The following ITPKB variants were observed in gnomAD, a reference collection of about 807,000 sequenced individuals.
ITPKB encodes inositol-trisphosphate 3-kinase B.
A neutral mutation model predicts 69.4 loss-of-function variants in ITPKB; 13 were observed. That is an observed-to-expected ratio of 0.19 (90% confidence interval 0.12 to 0.30). The LOEUF (loss-of-function observed/expected upper bound fraction) is 0.30, where lower values mean the gene tolerates loss of function less well. Ranked by LOEUF, ITPKB falls within the 10% of genes least tolerant of loss-of-function variation. ITPKB has a pLI of 1.00. For synonymous variants in ITPKB, 584 were observed against 513.7 expected (o/e 1.14, Z -1.85); for missense variants, 1,240 against 1,250.5 (o/e 0.99, Z 0.13).
chr1:226,662,972 A>T (rs1158450779), intron 2 of ITPKB, among the ~76,000 whole-genome samples: 2 of 152,156 alleles, frequency 1.3e-5, no homozygotes, highest in South Asian at 2.1e-4. Context: ...TGTTCAGGGT[A>T]GAGACCCTGT....
chr1:226,656,071 G>T (rs1669281976), intron 2 of ITPKB, among the ~76,000 whole-genome samples: 1 of 152,196 alleles, frequency 6.6e-6, no homozygotes, highest in African/African-American at 2.4e-5. Flanking sequence ...GACTGAGGAT[G>T]CTCAGGACTT....
chr1:226,688,797 A>G (rs1656277697), intron 2 of ITPKB, among the ~76,000 whole-genome samples: 2 of 152,196 alleles, frequency 1.3e-5, no homozygotes, highest in African/African-American at 4.8e-5. Context: ...TATGACTCTC[A>G]CTGATAAAGT....
chr1:226,637,681 C>T lies in ITPKB; in HGVS notation c.2623G>A (p.Glu875Lys). The T allele has an allele frequency of 1.2e-6, 2 of 1,612,048 alleles. No homozygotes were observed. The highest frequency in any genetic ancestry group is 1.7e-6 in the Non-Finnish European group (2 of 1,178,114). Residue 875 changes from glutamate (E) to lysine (K), a missense_variant and splice_region_variant, in exon 7 of 8, where the codon GAG becomes AAG. By Grantham distance (56) the Glu-to-Lys change is moderately conservative (BLOSUM62 1). Around this residue, in one of 2 missense-constraint regions of ITPKB, gnomAD observed 248 missense variants for 396.7 expected, o/e 0.63. Coordinates refer to ENST00000429204, the MANE Select transcript of ITPKB (RefSeq NM_002221.4). This position sits in a 1 kb window ranked among gnomAD's most constrained non-coding sequence, Gnocchi z 4.3. ...LEVSPFFKCHEVIGSSLLFIH... is the reference protein window; with the variant it reads ...LEVSPFFKCHKVIGSSLLFIH... ...GAGGGCAAAAGCCCAGTATCTACCT[C>T]GTGGCACTTGAAGAAGGGAGAAACT...
chr1:226,701,560 C>T (rs1656638454), intron 2 of ITPKB, among the ~76,000 whole-genome samples: 1 of 133,982 alleles, frequency 7.5e-6, no homozygotes, highest in African/African-American at 2.8e-5. Flanking sequence ...GCCGGGATAG[C>T]GCCACTGCAG....
rs1307079489 is a variant in ITPKB at position 226,637,819 on chromosome 1, G to A, written c.2554-69C>T. The A allele has an allele frequency of 3.5e-6, 4 of 1,137,336 alleles. No homozygotes were observed. In the East Asian group the frequency reaches 7.3e-5, roughly 21 times the overall value. The allele number at this position is 1,137,336 out of a possible 1,614,324, so 70.5% of individuals were successfully genotyped here. A position where few individuals can be genotyped will look rare whatever the true frequency, so the allele number is the denominator to read the frequency against. On this transcript the variant is annotated intron_variant, in intron 6 of 7. Coordinates refer to ENST00000429204, the MANE Select transcript of ITPKB (RefSeq NM_002221.4). The surrounding 1 kb of genome is among the most constrained non-coding windows in gnomAD (Gnocchi z 4.3). ...AAGGGCAGTGTCAGAACACCCATGCGGCCTCTAGTGGTCCCTCCCGTGAAT... is the reference window on the plus strand; with the variant it reads ...AAGGGCAGTGTCAGAACACCCATGCAGCCTCTAGTGGTCCCTCCCGTGAAT...
intron 2 of ITPKB, among the ~76,000 whole-genome samples, chr1:226,651,347 G>A (rs1430078910): frequency 6.6e-6 from 1 of 152,208 alleles, no homozygotes; most frequent in Non-Finnish European, 1.5e-5. Context: ...CTCAATGACT[G>A]ACCTTGAACA....
intron 2 of ITPKB, among the ~76,000 whole-genome samples, chr1:226,724,959 C>T (rs952789979): frequency 6.6e-6 from 1 of 152,182 alleles, no homozygotes; most frequent in African/African-American, 2.4e-5. Flanking sequence ...CTTTGATCTA[C>T]CACTTCTAAC....
chr1:226,733,774 G>A (rs527754478), intron 2 of ITPKB, among the ~76,000 whole-genome samples: 1 of 152,218 alleles, frequency 6.6e-6, no homozygotes, highest in East Asian at 1.9e-4. Flanking sequence ...TAACCCTCTG[G>A]TTTCTCAAAT....
rs141636221 is a variant in ITPKB, at chr1:226,735,684, T to C, written c.1775A>G (p.Asn592Ser). Residue 592 changes from asparagine to serine, a missense_variant, in exon 2 of 8, where the codon AAC becomes AGC. Transcript: ENST00000429204. Reference sequence around the variant, plus strand: ...AGAGGACAGTTTCCTCAGGGGCAGGTTGCCCCGAGGGCTTCCCTGCGTCTC... The same window carrying C: ...AGAGGACAGTTTCCTCAGGGGCAGGCTGCCCCGAGGGCTTCCCTGCGTCTC... ...LEETQGSPRG[N>S]LPLRKLSSSS... 164 of 1,605,664 alleles carry C rather than the reference T, an allele frequency of 1.0e-4. No individual in the cohort carries two copies. The highest frequency in any genetic ancestry group is 1.3e-4 in the Non-Finnish European group (154 of 1,175,556).
At chr1:226,713,794 A>G (rs774117286) in intron 2 of ITPKB, among the ~76,000 whole-genome samples, 1 of 152,136 alleles carries the variant, frequency 6.6e-6, no homozygotes. Flanking sequence ...GGGTGTTCAG[A>G]TAACAATCAG....
In ITPKB at chr1:226,642,635, G is replaced by T. The variant is rs939719343; in HGVS notation, c.2247-510C>A. Among the ~76,000 whole-genome samples the T allele has an allele frequency of 1.3e-5, 2 of 152,086 alleles. No individual in the cohort carries two copies. The highest frequency in any genetic ancestry group is 2.9e-5 in the Non-Finnish European group (2 of 68,012). On this transcript the variant is annotated intron_variant, in intron 4 of 7. Coordinates refer to ENST00000429204, the MANE Select transcript of ITPKB (RefSeq NM_002221.4). This position sits in a 1 kb window ranked among gnomAD's most constrained non-coding sequence, Gnocchi z 6.4. The stretch of plus-strand genomic sequence containing the variant: ...GGAAGACGGAGGCAGGGCAGCAGGG[G>T]GTGTCGGGGGTGGCTGGTCCTGATC...
At chr1:226,690,374 G>C (rs962148507) in intron 2 of ITPKB, among the ~76,000 whole-genome samples, 1 of 152,162 alleles carries the variant, frequency 6.6e-6, no homozygotes, top group Admixed American at 6.5e-5. Context: ...GCTCAGAAAA[G>C]TTAAAGTGAC....
intron 2 of ITPKB, among the ~76,000 whole-genome samples, chr1:226,716,596 T>C (rs1177560031): frequency 6.6e-6 from 1 of 152,226 alleles, no homozygotes; most frequent in Non-Finnish European, 1.5e-5. Flanking sequence ...TCAGTGTGTG[T>C]TGTACTCAAA....
At position 226,737,054 on chromosome 1, in the gene ITPKB, C is replaced by G; in HGVS notation, c.405G>C (p.Gln135His). 2 of 1,611,956 alleles carry G rather than the reference C, an allele frequency of 1.2e-6. No individual in the cohort carries two copies. The highest frequency in any genetic ancestry group is 1.7e-6 in the Non-Finnish European group (2 of 1,179,930). Reference sequence around the variant, plus strand: ...TCACCTGCACGTTCTGCAACTCGCGCTGCAAGATCCGCAGCTTCCTCTTGG... The same window carrying G: ...TCACCTGCACGTTCTGCAACTCGCGGTGCAAGATCCGCAGCTTCCTCTTGG... ...EEAKRKLRIL[Q>H]RELQNVQVNQ... is the part of the protein sequence containing the mutation. The change falls in exon 2 of 8, where the codon CAG (glutamine) becomes CAC (histidine). Residue 135 changes from glutamine to histidine, a missense_variant. Gln to His is a conservative substitution (Grantham distance 24). Around this residue, in one of 2 missense-constraint regions of ITPKB, gnomAD observed 992 missense variants for 853.8 expected, o/e 1.16. Transcript: ENST00000429204.
chr1:226,715,114 G>A (rs1046381943), intron 2 of ITPKB, among the ~76,000 whole-genome samples: 9 of 152,190 alleles, frequency 5.9e-5, no homozygotes, highest in African/African-American at 1.9e-4. Flanking sequence ...CTCCTTCAAT[G>A]ACTACCACAT....
In ITPKB at chr1:226,666,946, G is replaced by T. The variant is rs200998378; in HGVS notation, c.1933-18175C>A. 3.9e-5 allele frequency among the ~76,000 whole-genome samples: 6 copies of T among 152,166 alleles called. No individual in the cohort carries two copies. The East Asian group carries it at 1.2e-3, about 29-fold the overall frequency. ...CCCTGGGCTGTTGCAAAACTGATCT[G>T]GTTGTGTTTGCCAACACACACCACA... On this transcript the variant is annotated intron_variant, in intron 2 of 7. Coordinates refer to ENST00000429204, the MANE Select transcript of ITPKB (RefSeq NM_002221.4).
chr1:226,646,183 G>C (rs1669057981), intron 4 of ITPKB, among the ~76,000 whole-genome samples: 2 of 152,306 alleles, frequency 1.3e-5, no homozygotes, highest in Admixed American at 6.5e-5. Flanking sequence ...AAGGAAGCAT[G>C]GGGGGGCTTG....
intron 2 of ITPKB, chr1:226,708,024 T>C: frequency 2.1e-6 from 1 of 471,658 alleles, no homozygotes; most frequent in Middle Eastern, 4.3e-4. Context: ...AGTAAGATGA[T>C]GTAAATGATG....
Position 226,736,232 on chromosome 1 carries a change from C to T in ITPKB, c.1227G>A (p.Leu409=). Residue 409 remains leucine (L), a synonymous_variant, in exon 2 of 8, where the codon CTG becomes CTA. Coordinates refer to ENST00000429204, the MANE Select transcript of ITPKB (RefSeq NM_002221.4). ...SVQSAESSDS[L]SWSRLPRALA... ...GGGCCCTGGGCAGCCTGGACCAGCTCAGGGAATCAGAGGACTCTGCGCTTT... is the reference window on the plus strand; with the variant it reads ...GGGCCCTGGGCAGCCTGGACCAGCTTAGGGAATCAGAGGACTCTGCGCTTT... 6.5e-7 allele frequency: 1 copy of T among 1,543,126 alleles called. No homozygotes were observed. Among genetic ancestry groups the T allele is most frequent in the Non-Finnish European group, 8.7e-7 (1 of 1,147,492 alleles).
Sources: gnomAD v4.1 joint callset for allele counts (sites outside exome capture counted in the v4.1 genomes callset) on GRCh38, gnomAD v4.1.1 for gene constraint, gnomAD v4.1.1 regional missense constraint, Gnocchi (gnomAD v3.1) non-coding constraint, MANE v1.5 for transcripts, NCBI Gene and HGNC (gene_info 2026-07-23, HGNC 2026-07-21) for gene names.